Variants in SPADH observed in about 807,000 individuals in gnomAD.
The protein encoded by SPADH is spermadhesin family member.
At chr10:122,676,701 A>C in the SPADH span, 1 of 984,752 alleles carries the variant, frequency 1.0e-6, no homozygotes, top group Non-Finnish European at 1.2e-6. Flanking sequence ...GACACAAGCC[A>C]ATCCCAGACC....
At chr10:122,676,334 C>T in the SPADH span, among the ~76,000 whole-genome samples, 1 of 152,194 alleles carries the variant, frequency 6.6e-6, no homozygotes, top group Non-Finnish European at 1.5e-5. Context: ...GATGGATTCT[C>T]ATTTGTTCAG....
At chr10:122,676,758 C>A in the SPADH span, 1 of 985,372 alleles carries the variant, frequency 1.0e-6, no homozygotes, top group Non-Finnish European at 1.2e-6. Flanking sequence ...TCTTGTAGCA[C>A]CCAGTGACTG....
At chr10:122,678,134 C>A in the SPADH span, among the ~76,000 whole-genome samples, 1 of 152,076 alleles carries the variant, frequency 6.6e-6, no homozygotes, top group Non-Finnish European at 1.5e-5. Context: ...TCTTATTATA[C>A]CCCAGAGAGG....
At chr10:122,672,877 T>C in the SPADH span, 1 of 985,438 alleles carries the variant, frequency 1.0e-6, no homozygotes, top group South Asian at 4.7e-5. Flanking sequence ...CAGGCCCTGC[T>C]GAGGATGAGG....
the SPADH span, among the ~76,000 whole-genome samples, chr10:122,676,497 G>A: frequency 1.9e-4 from 29 of 152,326 alleles, no homozygotes; most frequent in Non-Finnish European, 3.7e-4. Context: ...GTTTTAGTAA[G>A]GGGAGTTAAG....
At chr10:122,675,896 C>CAA in the SPADH span, among the ~76,000 whole-genome samples, 1 of 152,084 alleles carries the variant, frequency 6.6e-6, no homozygotes, top group Non-Finnish European at 1.5e-5. Flanking sequence ...ACCTCCAAGC[C>CAA]CCCCCGAAGT....
At chr10:122,676,643 C>A in the SPADH span, 2 of 861,672 alleles carry the variant, frequency 2.3e-6, no homozygotes, top group Non-Finnish European at 2.8e-6. Flanking sequence ...ATTTTCTTCC[C>A]AAGGATGGGA....
the SPADH span, among the ~76,000 whole-genome samples, chr10:122,679,323 A>C: frequency 2.1e-4 from 32 of 152,080 alleles, no homozygotes; most frequent in Non-Finnish European, 3.7e-4. Context: ...TTGATATAGA[A>C]GTGGGTATCT....
chr10:122,673,054 TCC>T, the SPADH span: 2 of 360,160 alleles, frequency 5.6e-6, no homozygotes. Context: ...GATACTCTCT[TCC>T]ATACAGAATG....
chr10:122,674,864 GA>G, the SPADH span, among the ~76,000 whole-genome samples: 1 of 152,168 alleles, frequency 6.6e-6, no homozygotes, highest in African/African-American at 2.4e-5. Flanking sequence ...GAGGCTTAGG[GA>G]GAGTTAAAAA....
the SPADH span, among the ~76,000 whole-genome samples, chr10:122,678,319 G>A: frequency 2.0e-5 from 3 of 152,200 alleles, no homozygotes; most frequent in African/African-American, 7.2e-5. Flanking sequence ...CTCCTCTGCA[G>A]TGAGTAAGCA....
At chr10:122,674,643 G>A in the SPADH span, among the ~76,000 whole-genome samples, 1 of 152,206 alleles carries the variant, frequency 6.6e-6, no homozygotes, top group Admixed American at 6.5e-5. Flanking sequence ...TGTCAGAATA[G>A]GTTGTGTAGC....
At chr10:122,676,465 G>A in the SPADH span, among the ~76,000 whole-genome samples, 54 of 152,242 alleles carry the variant, frequency 3.5e-4, 1 homozygote, top group South Asian at 6.2e-3. Flanking sequence ...TTCACTAATC[G>A]GGCAATACGA....
the SPADH span, among the ~76,000 whole-genome samples, chr10:122,677,512 A>AAATG: frequency 6.6e-6 from 1 of 152,184 alleles, no homozygotes; most frequent in Non-Finnish European, 1.5e-5. Flanking sequence ...TATTTTTCTT[A>AAATG]AATGAATGAA....
chr10:122,675,037 C>T, the SPADH span, among the ~76,000 whole-genome samples: 6 of 152,174 alleles, frequency 3.9e-5, no homozygotes, highest in African/African-American at 1.2e-4. Context: ...GCTTGGATCC[C>T]GTTATCTAAC....
the SPADH span, chr10:122,675,683 A>G: frequency 1.1e-5 from 11 of 978,542 alleles, no homozygotes; most frequent in South Asian, 4.7e-5. Flanking sequence ...AAATGCAGAC[A>G]AGACTGTTAC....
the SPADH span, chr10:122,676,878 A>C: frequency 5.1e-6 from 5 of 985,274 alleles, no homozygotes; most frequent in Admixed American, 6.1e-5. Flanking sequence ...CACGGTGGCC[A>C]TTCCAGACCT....
the SPADH span, chr10:122,675,612 G>A: frequency 1.2e-5 from 12 of 975,452 alleles, no homozygotes; most frequent in Non-Finnish European, 1.5e-5. Context: ...AGATTTTCAT[G>A]GTTTTTTTTG....
the SPADH span, chr10:122,672,899 C>A: frequency 1.0e-6 from 1 of 985,474 alleles, no homozygotes; most frequent in Non-Finnish European, 1.2e-6. Flanking sequence ...TGTCCAGAGC[C>A]TTCGCTTGGC....
Sources: allele counts gnomAD v4.1 joint callset (sites outside exome capture counted in the v4.1 genomes callset), GRCh38; gene constraint gnomAD v4.1.1; transcripts MANE v1.5; gene names NCBI Gene and HGNC (gene_info 2026-07-23, HGNC 2026-07-21).